Variants in FARS2 observed in about 807,000 individuals in gnomAD.
FARS2 encodes phenylalanine--tRNA ligase, mitochondrial.
FARS2 carries 40 observed loss-of-function variants against 46.4 expected under a neutral mutation model. That is an observed-to-expected ratio of 0.86 (90% CI 0.67 to 1.12). FARS2 has a LOEUF of 1.12. FARS2 is among the 50% of genes most tolerant of loss of function. The probability of loss-of-function intolerance (pLI) is 0.00; values close to 1 mark genes in which losing one functional copy is unlikely to be tolerated. For missense variants in FARS2, 513 were observed against 567.9 expected (o/e 0.90, Z 0.98); for synonymous variants, 234 against 214.9 (o/e 1.09, Z -0.78).
At chr6:5,682,016 G>A (rs117681166) in intron 6 of FARS2, among the ~76,000 whole-genome samples, 1 of 152,352 alleles carries the variant, frequency 6.6e-6, no homozygotes, top group East Asian at 1.9e-4. Context: ...TGGTCAGCAT[G>A]TGGTTTTGGT....
intron 6 of FARS2, among the ~76,000 whole-genome samples, chr6:5,675,073 G>A (rs971806441): frequency 1.3e-5 from 2 of 152,090 alleles, no homozygotes; most frequent in African/African-American, 2.4e-5. Flanking sequence ...ATTTTTTGGG[G>A]GAAAGATAAA....
intron 1 of FARS2, among the ~76,000 whole-genome samples, chr6:5,277,546 A>G (rs1766421526): frequency 6.6e-6 from 1 of 152,214 alleles, no homozygotes; most frequent in Non-Finnish European, 1.5e-5. Context: ...AAGGAATGCC[A>G]CCTTCTGAAT....
At chr6:5,274,787 T>C (rs1766215927) in intron 1 of FARS2, among the ~76,000 whole-genome samples, 1 of 152,216 alleles carries the variant, frequency 6.6e-6, no homozygotes, top group Admixed American at 6.5e-5. Flanking sequence ...CATGGCTCAC[T>C]GCAGCCTCCA....
intron 1 of FARS2, among the ~76,000 whole-genome samples, chr6:5,322,326 CA>C (rs1400177510): frequency 1.3e-5 from 2 of 152,184 alleles, no homozygotes; most frequent in Non-Finnish European, 2.9e-5. Context: ...TATAAAAGTA[CA>C]GAGTATATCT....
At chr6:5,507,494 C>T (rs1161527949) in intron 4 of FARS2, among the ~76,000 whole-genome samples, 1 of 152,122 alleles carries the variant, frequency 6.6e-6, no homozygotes, top group Non-Finnish European at 1.5e-5. Flanking sequence ...TTAGTACTTT[C>T]ACTTATGTCT....
rs369663962 is a variant in FARS2 at position 5,717,462 on chromosome 6, T to C, written c.1218-53829T>C. On this transcript the variant is annotated intron_variant, in intron 6 of 6. Transcript: ENST00000274680. ...TTTGAAGAAACTGGGTTGTTGGCCC[T>C]GTGCAGTTTCCCATGTTTGGAATTT... Among the ~76,000 whole-genome samples, 77 of 152,116 alleles carry C rather than the reference T, an allele frequency of 5.1e-4. 1 individual carries two copies. The highest frequency in any genetic ancestry group is 1.9e-3 in the African/African-American group (77 of 41,510).
At chr6:5,483,678 A>AAAT (rs899934416) in intron 4 of FARS2, among the ~76,000 whole-genome samples, 1 of 152,064 alleles carries the variant, frequency 6.6e-6, no homozygotes, top group African/African-American at 2.4e-5. Context: ...AAAAATAAAT[A>AAAT]AATAAATAAA....
rs1166092411 is a variant in FARS2 at position 5,545,424 on chromosome 6, AATTTTATTTTATTT to A, written c.1065+99_1065+112del. ...AGGATCATGTACTTGAAAGCCACTGAATTTTATTTTATTTATTTTATTTTATTTTCATTTTACTT... is the reference window on the plus strand; with the variant it reads ...AGGATCATGTACTTGAAAGCCACTGAATTTTATTTTATTTTCATTTTACTT... On this transcript the variant is annotated intron_variant, in intron 5 of 6. Coordinates refer to ENST00000274680, the MANE Select transcript of FARS2 (RefSeq NM_006567.5). 20 of 961,038 alleles carry A rather than the reference AATTTTATTTTATTT, an allele frequency of 2.1e-5. 1 individual carries two copies. The highest frequency in any genetic ancestry group is 3.4e-5 in the African/African-American group (2 of 59,666). 59.5% of individuals were successfully genotyped at this position (961,038 alleles called of 1,614,324 possible).
chr6:5,580,336 G>A (rs1773258667), intron 5 of FARS2, among the ~76,000 whole-genome samples: 1 of 150,482 alleles, frequency 6.6e-6, no homozygotes, highest in Non-Finnish European at 1.5e-5. Flanking sequence ...AGGAAGGAAG[G>A]AAGGAAAGCA....
chr6:5,689,846 AG>A (rs1757556821), intron 6 of FARS2, among the ~76,000 whole-genome samples: 1 of 152,120 alleles, frequency 6.6e-6, no homozygotes, highest in Non-Finnish European at 1.5e-5. Context: ...GTCTCTTTGT[AG>A]GTCTCTAAGG....
chr6:5,462,256 A>C (rs982014615), intron 4 of FARS2, among the ~76,000 whole-genome samples: 5 of 152,026 alleles, frequency 3.3e-5, no homozygotes, highest in African/African-American at 7.2e-5. Context: ...TATTTGTCTT[A>C]TTATTCAGTT....
chr6:5,698,292 G>A (rs1321006256), intron 6 of FARS2, among the ~76,000 whole-genome samples: 1 of 152,152 alleles, frequency 6.6e-6, no homozygotes, highest in South Asian at 2.1e-4. Flanking sequence ...GTGGAAGGCC[G>A]AGGGGCTGCA....
chr6:5,704,140 G>A (rs1399165968), intron 6 of FARS2, among the ~76,000 whole-genome samples: 1 of 152,162 alleles, frequency 6.6e-6, no homozygotes, highest in African/African-American at 2.4e-5. Context: ...ACCATAGACT[G>A]GGACAACAGA....
chr6:5,514,496 A>G (rs1293495552), intron 4 of FARS2, among the ~76,000 whole-genome samples: 1 of 152,204 alleles, frequency 6.6e-6, no homozygotes, highest in African/African-American at 2.4e-5. Context: ...TTCAGTATGA[A>G]TTTAAAGTTG....
chr6:5,510,584 C>A (rs1768386207), intron 4 of FARS2, among the ~76,000 whole-genome samples: 1 of 152,236 alleles, frequency 6.6e-6, no homozygotes, highest in Non-Finnish European at 1.5e-5. Flanking sequence ...GGGTTGTGAG[C>A]TGTTTGTGTG....
At chr6:5,664,402 G>A (rs1164915676) in intron 6 of FARS2, among the ~76,000 whole-genome samples, 2 of 152,134 alleles carry the variant, frequency 1.3e-5, no homozygotes, top group South Asian at 4.1e-4. Flanking sequence ...GTCACCCTGG[G>A]AGCTGGCTTC....
chr6:5,258,877 A>T (rs899880681), upstream of FARS2, among the ~76,000 whole-genome samples: 22 of 152,178 alleles, frequency 1.4e-4, no homozygotes, highest in African/African-American at 5.3e-4. Context: ...TGATTTTCCT[A>T]AAGTTTGAAT....
intron 6 of FARS2, among the ~76,000 whole-genome samples, chr6:5,724,522 A>G (rs931406533): frequency 1.3e-5 from 2 of 152,206 alleles, no homozygotes; most frequent in African/African-American, 2.4e-5. Flanking sequence ...CCCAGGACGC[A>G]AAAAGAAACC....
At position 5,771,511 on chromosome 6, in the gene FARS2, G is replaced by A; in HGVS notation, c.*82G>A. The A allele has an allele frequency of 1.4e-6, 2 of 1,415,474 alleles. No homozygotes were observed. Among genetic ancestry groups the A allele is most frequent in the Non-Finnish European group, 9.6e-7 (1 of 1,039,964 alleles). 87.7% of individuals were successfully genotyped at this position (1,415,474 alleles called of 1,614,324 possible). On this transcript the variant is annotated 3_prime_UTR_variant, in exon 7 of 7. Transcript: ENST00000274680. The stretch of plus-strand genomic sequence containing the variant: ...GAAAAAGATATGGTTTGTGAACTGG[G>A]GCATCAATCATCTTTTGATAAATGG...
Sources: allele counts gnomAD v4.1 joint callset (sites outside exome capture counted in the v4.1 genomes callset), GRCh38; gene constraint gnomAD v4.1.1; transcripts MANE v1.5; gene names NCBI Gene and HGNC (gene_info 2026-07-23, HGNC 2026-07-21).